The following BCAR1 variants were observed in gnomAD, a reference collection of about 807,000 sequenced individuals.
BCAR1 encodes the protein breast cancer anti-estrogen resistance protein 1.
In BCAR1, 30 loss-of-function variants were observed where a neutral mutation model predicts 67.6. The ratio of observed to expected loss-of-function variants is 0.44; its 90% CI spans 0.33 to 0.60. The LOEUF is 0.60. Ranked by LOEUF, BCAR1 falls within the 20% of genes least tolerant of loss-of-function variation. BCAR1 has a pLI of 0.02. For missense variants in BCAR1, 1,313 were observed against 1,222.3 expected (o/e 1.07, Z -1.11); for synonymous variants, 626 against 556.7 (o/e 1.12, Z -1.75).
At chr16:75,254,535 T>A (rs1412529996), upstream of BCAR1, among the ~76,000 whole-genome samples, 1 of 152,114 alleles carries the variant, frequency 6.6e-6, no homozygotes, top group African/African-American at 2.4e-5. Flanking sequence ...GGTGGTTAAG[T>A]CACGCCTAAG....
chr16:75,257,904 G>T (rs1439053257), intron 1 of BCAR1, among the ~76,000 whole-genome samples: 1 of 152,246 alleles, frequency 6.6e-6, no homozygotes, highest in Non-Finnish European at 1.5e-5. Flanking sequence ...ACTAGAGGAA[G>T]GGAGCAGATA....
chr16:75,241,014 G>C (rs570399545), intron 2 of BCAR1, among the ~76,000 whole-genome samples: 2 of 152,282 alleles, frequency 1.3e-5, no homozygotes, highest in Non-Finnish European at 2.9e-5. Flanking sequence ...GGCGGGAGAG[G>C]AGGGGTGGGG....
rs765644136 is a variant in BCAR1, at chr16:75,229,625, A to G, written c.2499T>C (p.Ala833=). The G allele has an allele frequency of 1.2e-6, 2 of 1,612,602 alleles. No homozygotes were observed. The highest frequency in any genetic ancestry group is 3.3e-5 in the Admixed American group (2 of 59,978). ...CGGAAGGCGATGGGTACTGCAAGGC[A>G]GCGGCCTTGGTGGTGGCCACGATGC... is the stretch of plus-strand genomic sequence containing the variant. ...LRGIVATTKA[A]ALQYPSPSAA... Residue 833 remains alanine (A), a synonymous_variant, in exon 7 of 7, where the codon GCT becomes GCC. Transcript: ENST00000162330.
intron 1 of BCAR1, chr16:75,243,472 A>G (rs1475358153): frequency 3.7e-6 from 2 of 546,098 alleles, no homozygotes; most frequent in Non-Finnish European, 7.1e-6. Flanking sequence ...CAAATAGCAA[A>G]TGGTTCTCTC....
At chr16:75,266,801 T>C in intron 1 of BCAR1, 1 of 1,420,322 alleles carries the variant, frequency 7.0e-7, no homozygotes, top group Non-Finnish European at 9.3e-7. Flanking sequence ...GGGGCTGGGG[T>C]CCAGAGCACT....
intron 2 of BCAR1, chr16:75,239,100 C>A (rs2077244628): frequency 1.0e-6 from 1 of 985,278 alleles, no homozygotes; most frequent in African/African-American, 1.7e-5. Context: ...GCCACAGTGA[C>A]CAAATGTTTC....
In BCAR1 at chr16:75,236,352, G is replaced by A. The variant is rs987189199; in HGVS notation, c.913-366C>T. The A allele has an allele frequency of 1.7e-5, 6 of 352,180 alleles. No individual in the cohort carries two copies. In the Admixed American group the frequency reaches 2.3e-4, roughly 13 times the overall value. The allele number at this position is 352,180 out of a possible 1,614,324, so 21.8% of individuals were successfully genotyped here. Reference sequence around the variant, plus strand: ...ACTGCAGACACTCACTGAAAGGTTAGCTGTGATACTGCCACTGCCACCACC... The same window carrying A: ...ACTGCAGACACTCACTGAAAGGTTAACTGTGATACTGCCACTGCCACCACC... On this transcript the variant is annotated intron_variant, in intron 4 of 6. Coordinates refer to ENST00000162330, the MANE Select transcript of BCAR1 (RefSeq NM_014567.5).
intron 6 of BCAR1, among the ~76,000 whole-genome samples, chr16:75,232,720 A>G (rs918211220): frequency 6.6e-6 from 1 of 152,088 alleles, no homozygotes; most frequent in Admixed American, 6.5e-5. Context: ...TGAGATGTCA[A>G]TGTCTAGCCT....
intron 1 of BCAR1, chr16:75,248,392 C>T: frequency 8.3e-7 from 1 of 1,210,794 alleles, no homozygotes; most frequent in Non-Finnish European, 1.0e-6. Context: ...ATTCTATTTG[C>T]TTGTCCCAAA....
Position 75,251,600 on chromosome 16 carries a change from C to G in BCAR1, c.-118G>C, listed in dbSNP as rs547236466. The G allele has an allele frequency of 8.3e-5, 85 of 1,026,886 alleles. No individual in the cohort carries two copies. Among genetic ancestry groups the G allele is most frequent in the Admixed American group, 1.1e-4 (2 of 17,506 alleles). The allele number at this position is 1,026,886 out of a possible 1,614,324, so 63.6% of individuals were successfully genotyped here. ...CGCCCCGGTGCCGCCGCGCAGCTGC[C>G]GCCTCGGCCACCCAGAGCCGGTCCA... On this transcript the variant is annotated 5_prime_UTR_variant, in exon 1 of 7. Transcript: ENST00000162330.
At chr16:75,267,338 G>A (rs962134656) in intron 1 of BCAR1, among the ~76,000 whole-genome samples, 4 of 147,808 alleles carry the variant, frequency 2.7e-5, no homozygotes, top group Admixed American at 6.7e-5. Flanking sequence ...ATCAGCGTCC[G>A]CAGCCCAGTG....
In BCAR1 at chr16:75,242,844, G is replaced by C; in HGVS notation, c.259C>G (p.Pro87Ala). 1 of 1,608,410 alleles carries C rather than the reference G, an allele frequency of 6.2e-7. No homozygotes were observed. Among genetic ancestry groups the C allele is most frequent in the Non-Finnish European group, 8.5e-7 (1 of 1,178,528 alleles). Residue 87 changes from proline (P) to alanine (A), a missense_variant, in exon 2 of 7, where the codon CCT becomes GCT. Physicochemically the swap from Pro to Ala is conservative, Grantham distance 27. Transcript: ENST00000162330. ...GPPATPAQPQ[P>A]GLHAPAPPAS... Reference sequence around the variant, plus strand: ...GGAGGCGCTGGGGCATGGAGGCCAGGCTGAGGCTGGGCCGGGGTGGCGGGA... The same window carrying C: ...GGAGGCGCTGGGGCATGGAGGCCAGCCTGAGGCTGGGCCGGGGTGGCGGGA...
intron 2 of BCAR1, chr16:75,239,123 A>ACCTGGT: frequency 1.0e-6 from 1 of 984,482 alleles, no homozygotes; most frequent in Middle Eastern, 5.2e-4. Context: ...TTAGAAAAAC[A>ACCTGGT]GAGCAACGCA....
intron 1 of BCAR1, 54 bp from the exon 2 acceptor site, chr16:75,243,144 G>C: frequency 6.6e-7 from 1 of 1,519,618 alleles, no homozygotes; most frequent in South Asian, 1.3e-5. Flanking sequence ...GGGGCGTCAG[G>C]GGCTCCCCAG....
In BCAR1 at chr16:75,235,012, G is replaced by A; in HGVS notation, c.1887C>T (p.Thr629=). ...GCAGGGGTCGTGACTGGATGCTGCT[G>A]GTCTTGTCAGTGGGGTTGGGGTGCA... The part of the protein sequence containing the change: ...GTLHPNPTDK[T]SSIQSRPLPS... The change falls in exon 5 of 7, where the codon ACC becomes ACT. Residue 629 remains threonine, a synonymous_variant. Coordinates refer to ENST00000162330, the MANE Select transcript of BCAR1 (RefSeq NM_014567.5). 1 of 1,613,080 alleles carries A rather than the reference G, an allele frequency of 6.2e-7. No individual in the cohort carries two copies. The highest frequency in any genetic ancestry group is 8.5e-7 in the Non-Finnish European group (1 of 1,179,716).
chr16:75,238,482 T>G, intron 2 of BCAR1: 1 of 998,928 alleles, frequency 1.0e-6, no homozygotes. Flanking sequence ...CTAGAGGCCC[T>G]CCCAATGCAG....
exon 1 of BCAR1, chr16:75,267,998 C>G: frequency 6.4e-7 from 1 of 1,552,038 alleles, no homozygotes; most frequent in Non-Finnish European, 8.7e-7. Flanking sequence ...CCTGACACTA[C>G]CAGGTGTCTG....
upstream of BCAR1, chr16:75,252,087 G>T: frequency 9.5e-7 from 1 of 1,057,038 alleles, no homozygotes; most frequent in Non-Finnish European, 1.4e-6. Flanking sequence ...AAAGGGGAGG[G>T]GGCGTGCCCC....
rs1006887705 is a variant in BCAR1 at position 75,235,866 on chromosome 16, G to A, written c.1033C>T (p.Pro345Ser). Reference protein sequence around the residue: ...KAKPFDPARTPLVLAAPPPDS... With the variant: ...KAKPFDPARTSLVLAAPPPDS... ...GGAGGGGGCGCAGCCAGTACCAGTG[G>A]GGTGCGGGCCGGGTCAAAGGGCTTG... Residue 345 changes from proline to serine, a missense_variant, in exon 5 of 7, where the codon CCA (proline) becomes TCA (serine). Pro to Ser is a moderately conservative substitution (Grantham distance 74, BLOSUM62 -1). Coordinates refer to ENST00000162330, the MANE Select transcript of BCAR1 (RefSeq NM_014567.5). The A allele has an allele frequency of 6.4e-7, 1 of 1,565,262 alleles. No individual in the cohort carries two copies. Among genetic ancestry groups the A allele is most frequent in the African/African-American group, 1.4e-5 (1 of 73,896 alleles).
Sources: allele counts gnomAD v4.1 joint callset (sites outside exome capture counted in the v4.1 genomes callset), GRCh38; gene constraint gnomAD v4.1.1; transcripts MANE v1.5; gene names NCBI Gene and HGNC (gene_info 2026-07-23, HGNC 2026-07-21).